Variants in SH3GL3 observed in about 807,000 individuals in gnomAD.
The protein encoded by SH3GL3 is SH3 domain containing GRB2 like 3, endophilin A3.
A neutral mutation model predicts 47.7 loss-of-function variants in SH3GL3; 33 were observed. The ratio of observed to expected loss-of-function variants is 0.69; its 90% CI spans 0.52 to 0.92. The LOEUF (loss-of-function observed/expected upper bound fraction) is 0.92, where lower values mean the gene tolerates loss of function less well. Ranked by LOEUF, SH3GL3 falls within the 40% of genes least tolerant of loss-of-function variation. The pLI, the probability that SH3GL3 is intolerant of heterozygous loss-of-function variation, is 0.00. For synonymous variants in SH3GL3, 155 were observed against 148.8 expected, an observed-to-expected ratio of 1.04 and a Z score of -0.30; for missense variants, 363 against 417.8, an observed-to-expected ratio of 0.87 and a Z score of 1.14.
the SH3GL3 span, among the ~76,000 whole-genome samples, chr15:83,628,924 A>G: frequency 9.7e-4 from 148 of 152,312 alleles, 3 homozygotes; most frequent in African/African-American, 3.4e-3. Context: ...ACAAAAATCA[A>G]TTATGTTTCT....
chr15:83,520,781 G>A (rs2043171695), intron 1 of SH3GL3, among the ~76,000 whole-genome samples: 1 of 152,092 alleles, frequency 6.6e-6, no homozygotes, highest in Admixed American at 6.6e-5. Flanking sequence ...TGCTAAGATG[G>A]TAGATTTTAG....
intron 1 of SH3GL3, among the ~76,000 whole-genome samples, chr15:83,460,518 A>C (rs2040239217): frequency 1.3e-5 from 2 of 152,154 alleles, no homozygotes. Context: ...AAGTACTCAT[A>C]CCGTAGGAGG....
chr15:83,558,656 T>C (rs2045086403), intron 1 of SH3GL3, among the ~76,000 whole-genome samples: 1 of 152,188 alleles, frequency 6.6e-6, no homozygotes. Context: ...AAACCTGTCC[T>C]ATCCATTCCT....
At chr15:83,506,106 T>G (rs1188272480) in intron 1 of SH3GL3, among the ~76,000 whole-genome samples, 1 of 152,188 alleles carries the variant, frequency 6.6e-6, no homozygotes, top group Non-Finnish European at 1.5e-5. Flanking sequence ...TCGTAGTTGA[T>G]TTTATTAGTC....
chr15:83,577,353 C>G (rs2059710760), intron 6 of SH3GL3, among the ~76,000 whole-genome samples: 1 of 152,158 alleles, frequency 6.6e-6, no homozygotes, highest in South Asian at 2.1e-4. Context: ...GAATTTTCTC[C>G]TATCTCCTGC....
At position 83,587,982 on chromosome 15, in the gene SH3GL3, G is replaced by T. The variant is rs552054873; in HGVS notation, c.729-680G>T. Among the ~76,000 whole-genome samples the T allele has an allele frequency of 5.9e-5, 9 of 152,330 alleles. No homozygotes were observed. In the South Asian group the frequency reaches 1.9e-3, roughly 32 times the overall value. On this transcript the variant is annotated intron_variant, in intron 7 of 8. Transcript: ENST00000427482. The stretch of plus-strand genomic sequence containing the variant: ...TAGTTTACCTGTTACTGACAGGAGT[G>T]TATTTTCATAATTCTATCATAATCT...
intron 1 of SH3GL3, among the ~76,000 whole-genome samples, chr15:83,523,481 T>C (rs934268405): frequency 2.6e-5 from 4 of 152,184 alleles, no homozygotes; most frequent in Non-Finnish European, 4.4e-5. Context: ...ACTTTTCTTA[T>C]ATGTGGCCTC....
intron 6 of SH3GL3, among the ~76,000 whole-genome samples, chr15:83,586,083 G>A (rs1466048980): frequency 6.6e-6 from 1 of 152,160 alleles, no homozygotes; most frequent in African/African-American, 2.4e-5. Context: ...ATTTTGATTT[G>A]TGTCTTTGTC....
intron 1 of SH3GL3, among the ~76,000 whole-genome samples, chr15:83,468,804 T>G (rs1036470604): frequency 2.0e-5 from 3 of 151,638 alleles, no homozygotes; most frequent in African/African-American, 7.3e-5. Flanking sequence ...AGTAGTGTTT[T>G]TTTTTTTTTT....
the SH3GL3 span, among the ~76,000 whole-genome samples, chr15:83,626,365 C>G: frequency 6.6e-6 from 1 of 152,188 alleles, no homozygotes; most frequent in South Asian, 2.1e-4. Flanking sequence ...AGCTCATGTT[C>G]TGAATCACTC....
At chr15:83,575,532 T>C (rs2059651461) in intron 5 of SH3GL3, among the ~76,000 whole-genome samples, 1 of 152,244 alleles carries the variant, frequency 6.6e-6, no homozygotes, top group South Asian at 2.1e-4. Flanking sequence ...TAGTCTCAGC[T>C]ATGCTCTGTG....
chr15:83,619,163 A>G (rs981897199), downstream of SH3GL3, among the ~76,000 whole-genome samples: 4 of 152,156 alleles, frequency 2.6e-5, no homozygotes, highest in Non-Finnish European at 5.9e-5. Flanking sequence ...CTACAATCCT[A>G]TTATGTGAAG....
Position 83,568,747 on chromosome 15 carries a change from A to G in SH3GL3, c.331+75A>G, listed in dbSNP as rs561760895. 63 of 1,072,058 alleles carry G rather than the reference A, an allele frequency of 5.9e-5. No homozygotes were observed. In the African/African-American group the frequency reaches 9.3e-4, roughly 16 times the overall value. The allele number at this position is 1,072,058 out of a possible 1,614,324, so 66.4% of individuals were successfully genotyped here. On this transcript the variant is annotated intron_variant, in intron 4 of 8. Coordinates refer to ENST00000427482, the MANE Select transcript of SH3GL3 (RefSeq NM_003027.5). ...GTTTTAGGTTATACACAAACCCTTC[A>G]GTCTAACAACCTTTGTTATTTTTCC... is the stretch of plus-strand genomic sequence containing the variant.
chr15:83,581,792 G>A (rs2059834471), intron 6 of SH3GL3, among the ~76,000 whole-genome samples: 2 of 152,230 alleles, frequency 1.3e-5, no homozygotes, highest in African/African-American at 4.8e-5. Flanking sequence ...ATGAAGAAGA[G>A]TCTCCTTCGG....
At chr15:83,607,626 C>G (rs1171012199) in intron 8 of SH3GL3, among the ~76,000 whole-genome samples, 1 of 152,098 alleles carries the variant, frequency 6.6e-6, no homozygotes, top group South Asian at 2.1e-4. Context: ...CCCATCATAG[C>G]TAGCCTTTCT....
At chr15:83,451,105 T>G (rs1467962950) in intron 1 of SH3GL3, among the ~76,000 whole-genome samples, 2 of 77,246 alleles carry the variant, frequency 2.6e-5, no homozygotes, top group African/African-American at 1.0e-4. Context: ...GATTTCCAAT[T>G]TCATCCATGT....
chr15:83,539,285 A>G (rs539724436), intron 1 of SH3GL3, among the ~76,000 whole-genome samples: 5 of 152,234 alleles, frequency 3.3e-5, no homozygotes, highest in Non-Finnish European at 5.9e-5. Flanking sequence ...CTGGTGTCTG[A>G]TAAGGGCCTT....
chr15:83,548,740 A>T (rs1258725044), intron 1 of SH3GL3, among the ~76,000 whole-genome samples: 2 of 152,138 alleles, frequency 1.3e-5, no homozygotes, highest in African/African-American at 4.8e-5. Flanking sequence ...CAGTTTGACT[A>T]TAATGTGCCT....
In SH3GL3 at chr15:83,468,030, C is replaced by T. The variant is rs1447986528; in HGVS notation, c.45+20452C>T. Among the ~76,000 whole-genome samples the T allele has an allele frequency of 2.0e-5, 3 of 152,148 alleles. No homozygotes were observed. The East Asian group carries it at 5.8e-4, about 29-fold the overall frequency. On this transcript the variant is annotated intron_variant, in intron 1 of 8. Transcript: ENST00000427482. Reference sequence around the variant, plus strand: ...TATTTTTAGTAGAGACAGGGTTTCACCATGTTAGCCAGGATGGTCTCGATC... The same window carrying T: ...TATTTTTAGTAGAGACAGGGTTTCATCATGTTAGCCAGGATGGTCTCGATC...
Sources: gnomAD v4.1 joint callset for allele counts (sites outside exome capture counted in the v4.1 genomes callset) on GRCh38, gnomAD v4.1.1 for gene constraint, MANE v1.5 for transcripts, NCBI Gene and HGNC (gene_info 2026-07-23, HGNC 2026-07-21) for gene names.